Variants in GALNT17 observed in about 807,000 individuals in gnomAD.
The protein encoded by GALNT17 is UDP-GalNAc:polypeptide N-acetylgalactosaminyltransferase-like 3.
In GALNT17, 29 loss-of-function variants were observed where a neutral mutation model predicts 63.7. The observed-to-expected ratio is 0.46, with a 90% confidence interval of 0.34 to 0.62. The LOEUF is 0.62. Among genes scored for constraint, GALNT17 ranks in the 20% least tolerant of loss-of-function variants. GALNT17 has a pLI of 0.01. For missense variants in GALNT17, 603 were observed against 799.6 expected (o/e 0.75, Z 2.97); for synonymous variants, 305 against 318.3 (o/e 0.96, Z 0.45).
At chr7:71,166,028 G>A (rs1320213326) in intron 1 of GALNT17, among the ~76,000 whole-genome samples, 3 of 152,012 alleles carry the variant, frequency 2.0e-5, no homozygotes, top group African/African-American at 4.8e-5. Context: ...ACCACGCAAT[G>A]CATAAGTATT....
intron 5 of GALNT17, among the ~76,000 whole-genome samples, chr7:71,479,100 A>C (rs1229546178): frequency 2.0e-5 from 3 of 152,172 alleles, no homozygotes; most frequent in African/African-American, 7.2e-5. Context: ...CCTCCTCAGC[A>C]TTGCCTGCCC....
intron 5 of GALNT17, among the ~76,000 whole-genome samples, chr7:71,487,172 C>T (rs1053656395): frequency 5.9e-5 from 9 of 152,210 alleles, no homozygotes; most frequent in Non-Finnish European, 5.9e-5. Flanking sequence ...AGTCTGCTTC[C>T]CTCACTCCCT....
At chr7:71,296,597 C>T (rs1791083197) in intron 1 of GALNT17, among the ~76,000 whole-genome samples, 1 of 149,028 alleles carries the variant, frequency 6.7e-6, no homozygotes, top group Non-Finnish European at 1.5e-5. Context: ...GCCTGGGCAA[C>T]AGAGCGAGAC....
intron 6 of GALNT17, among the ~76,000 whole-genome samples, chr7:71,629,553 C>A (rs777061885): frequency 7.2e-5 from 11 of 152,100 alleles, no homozygotes; most frequent in Admixed American, 1.3e-4. Flanking sequence ...GATCATGGCT[C>A]ACTGTACCCT....
chr7:71,505,233 G>A (rs968017102), intron 5 of GALNT17, among the ~76,000 whole-genome samples: 9 of 151,924 alleles, frequency 5.9e-5, no homozygotes, highest in Non-Finnish European at 1.2e-4. Flanking sequence ...ACCTTTGCAC[G>A]TGCTAGTCCC....
chr7:71,255,585 C>CA (rs1334661637), intron 1 of GALNT17, among the ~76,000 whole-genome samples: 3 of 152,208 alleles, frequency 2.0e-5, no homozygotes, highest in Admixed American at 6.5e-5. Context: ...GACGGTAGTG[C>CA]AAATTTCCTG....
intron 5 of GALNT17, among the ~76,000 whole-genome samples, chr7:71,493,788 C>A (rs4719128): frequency 6.6e-6 from 1 of 151,960 alleles, no homozygotes; most frequent in African/African-American, 2.4e-5. Flanking sequence ...CATCCTTCTC[C>A]TCATCATCCC....
intron 9 of GALNT17, among the ~76,000 whole-genome samples, chr7:71,685,948 A>ATTTTTTTTTTTTTT (rs3062958): frequency 1.7e-5 from 1 of 59,806 alleles, no homozygotes; most frequent in East Asian, 6.2e-4. Context: ...GGCAATTACT[A>ATTTTTTTTTTTTTT]TTTTTTTTTT....
At chr7:71,295,711 G>C (rs1461090947) in intron 1 of GALNT17, among the ~76,000 whole-genome samples, 1 of 151,918 alleles carries the variant, frequency 6.6e-6, no homozygotes, top group Non-Finnish European at 1.5e-5. Context: ...CAATCCTCCT[G>C]CCTCAGCCTC....
At chr7:71,569,233 G>A (rs1373032040) in intron 5 of GALNT17, among the ~76,000 whole-genome samples, 3 of 152,246 alleles carry the variant, frequency 2.0e-5, no homozygotes, top group East Asian at 3.9e-4. Context: ...GCCTCCCAAA[G>A]TTCTGGGATT....
At chr7:71,429,519 A>G (rs1786821242) in intron 5 of GALNT17, among the ~76,000 whole-genome samples, 2 of 152,322 alleles carry the variant, frequency 1.3e-5, no homozygotes, top group South Asian at 4.1e-4. Context: ...ATTCAACAAA[A>G]TTTCCACCAG....
chr7:71,289,996 C>A (rs1402663362), intron 1 of GALNT17, among the ~76,000 whole-genome samples: 1 of 151,998 alleles, frequency 6.6e-6, no homozygotes, highest in Admixed American at 6.6e-5. Context: ...AGTGAGCTGA[C>A]ATAGCGCCAC....
At chr7:71,352,212 TTC>T (rs978552539) in intron 2 of GALNT17, among the ~76,000 whole-genome samples, 6 of 152,332 alleles carry the variant, frequency 3.9e-5, no homozygotes, top group African/African-American at 1.4e-4. Flanking sequence ...GACTCTCTAA[TTC>T]TCTCTTGCCG....
chr7:71,257,356 G>A (rs17594016), intron 1 of GALNT17, among the ~76,000 whole-genome samples: 18,272 of 152,182 alleles, frequency 0.12, 1,252 homozygotes, highest in South Asian at 0.21. Context: ...TCTCCTGAAA[G>A]TTCAGCCTTA....
intron 3 of GALNT17, among the ~76,000 whole-genome samples, chr7:71,391,506 G>A (rs1054889540): frequency 2.6e-5 from 4 of 151,458 alleles, no homozygotes; most frequent in Non-Finnish European, 4.4e-5. Context: ...TTTGAGACAG[G>A]GTCTCTCACT....
chr7:71,440,374 ATTTTT>A (rs11297830), intron 5 of GALNT17, among the ~76,000 whole-genome samples: 1 of 123,240 alleles, frequency 8.1e-6, no homozygotes, highest in Non-Finnish European at 1.7e-5. Context: ...TTCTTTCTTA[ATTTTT>A]TTTTTTTTTT....
At chr7:71,633,103 CAAAAAAAAAAA>C (rs71089970) in intron 6 of GALNT17, among the ~76,000 whole-genome samples, 4 of 72,372 alleles carry the variant, frequency 5.5e-5, no homozygotes, top group East Asian at 4.1e-4. Context: ...GACTCTGTCT[CAAAAAAAAAAA>C]AAAAAAAAAA....
chr7:71,348,160 C>T (rs150928319), intron 2 of GALNT17, among the ~76,000 whole-genome samples: 49 of 151,932 alleles, frequency 3.2e-4, no homozygotes, highest in African/African-American at 1.2e-3. Context: ...ACTCAGGGGG[C>T]TGAGGCAGGA....
chr7:71,153,786 G>A (rs1345563190), intron 1 of GALNT17, among the ~76,000 whole-genome samples: 4 of 151,886 alleles, frequency 2.6e-5, no homozygotes, highest in South Asian at 2.1e-4. Context: ...TCGTGGTGGC[G>A]GGCGCCTGTA....
Sources: allele counts gnomAD v4.1 joint callset (sites outside exome capture counted in the v4.1 genomes callset), GRCh38; gene constraint gnomAD v4.1.1; transcripts MANE v1.5; gene names NCBI Gene and HGNC (gene_info 2026-07-23, HGNC 2026-07-21).